Variants in AGMO observed in about 807,000 individuals in gnomAD.
AGMO encodes the protein alkylglycerol monooxygenase, also known as glyceryl-ether monooxygenase.
Under a neutral mutation model 60.2 loss-of-function variants are expected in AGMO, and 75 were observed. The ratio of observed to expected loss-of-function variants is 1.25; its 90% CI spans 1.03 to 1.51. AGMO has a LOEUF of 1.51. Among genes scored for constraint, AGMO ranks in the 40% most tolerant of loss-of-function variants. AGMO has a pLI of 0.00. For missense variants in AGMO, 763 were observed against 525.5 expected, an observed-to-expected ratio of 1.45 and a Z score of -4.42; for synonymous variants, 261 against 177.1, an observed-to-expected ratio of 1.47 and a Z score of -3.76.
At chr7:15,412,695 A>T (rs1227211805) in intron 5 of AGMO, among the ~76,000 whole-genome samples, 1 of 150,942 alleles carries the variant, frequency 6.6e-6, no homozygotes, top group Non-Finnish European at 1.5e-5. Context: ...AAAAAAAAAA[A>T]AAAAAAAAAA....
chr7:15,143,511 G>C, the AGMO span, among the ~76,000 whole-genome samples: 1 of 152,148 alleles, frequency 6.6e-6, no homozygotes, highest in Non-Finnish European at 1.5e-5. Context: ...TGTAAACTCA[G>C]AGGTACTTTA....
At chr7:15,546,668 C>T (rs1784790312) in intron 2 of AGMO, among the ~76,000 whole-genome samples, 1 of 152,184 alleles carries the variant, frequency 6.6e-6, no homozygotes, top group African/African-American at 2.4e-5. Context: ...GCAGGACAAG[C>T]CATGAGGCCA....
At chr7:15,141,750 C>A in the AGMO span, among the ~76,000 whole-genome samples, 1 of 151,938 alleles carries the variant, frequency 6.6e-6, no homozygotes, top group Non-Finnish European at 1.5e-5. Context: ...GTAAAACTGG[C>A]GAATCTATTA....
At chr7:15,379,903 C>T (rs371984843) in intron 10 of AGMO, among the ~76,000 whole-genome samples, 54 of 152,220 alleles carry the variant, frequency 3.5e-4, no homozygotes, top group African/African-American at 1.1e-3. Context: ...GAACTAAAGA[C>T]AGAAAGCATA....
At chr7:15,247,453 C>CAGAG (rs1456242367) in intron 12 of AGMO, among the ~76,000 whole-genome samples, 250 of 117,536 alleles carry the variant, frequency 2.1e-3, no homozygotes, top group Middle Eastern at 9.3e-3. Flanking sequence ...CACACACACA[C>CAGAG]ACACACAGAG....
the AGMO span, among the ~76,000 whole-genome samples, chr7:15,155,285 T>C: frequency 3.9e-5 from 6 of 152,070 alleles, no homozygotes; most frequent in Admixed American, 2.0e-4. Flanking sequence ...CCTGGAGGTT[T>C]TGCTGCATTA....
intron 3 of AGMO, among the ~76,000 whole-genome samples, chr7:15,475,905 T>C (rs558635281): frequency 6.6e-6 from 1 of 152,088 alleles, no homozygotes; most frequent in African/African-American, 2.4e-5. Flanking sequence ...TAAACATATT[T>C]ACTCATTTCT....
At chr7:15,530,639 T>G (rs1784285909) in intron 3 of AGMO, among the ~76,000 whole-genome samples, 1 of 138,578 alleles carries the variant, frequency 7.2e-6, no homozygotes, top group Admixed American at 7.8e-5. Flanking sequence ...TATACGTATT[T>G]CTATATATAT....
At chr7:15,415,335 G>A (rs1762048388) in intron 5 of AGMO, among the ~76,000 whole-genome samples, 1 of 151,932 alleles carries the variant, frequency 6.6e-6, no homozygotes, top group Non-Finnish European at 1.5e-5. Flanking sequence ...ACAAGGTCAA[G>A]AGACCGAGAC....
chr7:15,284,251 T>C (rs1189154246), intron 12 of AGMO, among the ~76,000 whole-genome samples: 1 of 151,788 alleles, frequency 6.6e-6, no homozygotes, highest in Admixed American at 6.6e-5. Flanking sequence ...CAAAATAAAA[T>C]TGATACAGAA....
intron 10 of AGMO, among the ~76,000 whole-genome samples, chr7:15,379,487 A>G (rs1783591200): frequency 6.6e-6 from 1 of 152,150 alleles, no homozygotes; most frequent in South Asian, 2.1e-4. Flanking sequence ...GAACACTTAC[A>G]TGCACATACA....
At chr7:15,128,862 G>A in the AGMO span, among the ~76,000 whole-genome samples, 1 of 152,116 alleles carries the variant, frequency 6.6e-6, no homozygotes, top group South Asian at 2.1e-4. Context: ...CTGTAGCTAG[G>A]GAGTCAGCCA....
chr7:15,126,741 T>A, the AGMO span, among the ~76,000 whole-genome samples: 15 of 152,258 alleles, frequency 9.9e-5, no homozygotes, highest in African/African-American at 3.4e-4. Context: ...GAAATAACCC[T>A]GCAAAGCTGT....
chr7:15,274,158 T>A (rs1783707296), intron 12 of AGMO, among the ~76,000 whole-genome samples: 1 of 152,180 alleles, frequency 6.6e-6, no homozygotes, highest in African/African-American at 2.4e-5. Context: ...TCCAACACTA[T>A]GTTGAAAAGG....
chr7:15,518,252 A>T (rs1583637433), intron 3 of AGMO, among the ~76,000 whole-genome samples: 1 of 152,220 alleles, frequency 6.6e-6, no homozygotes, highest in African/African-American at 2.4e-5. Context: ...GCTTCAACAG[A>T]CTTAAACATT....
intron 5 of AGMO, among the ~76,000 whole-genome samples, chr7:15,409,511 G>C (rs1784786139): frequency 6.6e-6 from 1 of 151,846 alleles, no homozygotes; most frequent in Non-Finnish European, 1.5e-5. Flanking sequence ...CACAGAGTTT[G>C]ATGAATATAA....
the AGMO span, among the ~76,000 whole-genome samples, chr7:15,144,618 A>G: frequency 6.6e-6 from 1 of 152,188 alleles, no homozygotes; most frequent in South Asian, 2.1e-4. Context: ...TCCAAGGTAC[A>G]TTATATTTAC....
intron 12 of AGMO, among the ~76,000 whole-genome samples, chr7:15,203,724 C>T (rs142842881): frequency 1.3e-5 from 2 of 152,032 alleles, no homozygotes; most frequent in African/African-American, 4.8e-5. Flanking sequence ...GGCAGTGAGA[C>T]AGTAGGAACT....
At chr7:15,472,804 T>A (rs558023187) in intron 3 of AGMO, among the ~76,000 whole-genome samples, 65 of 152,044 alleles carry the variant, frequency 4.3e-4, no homozygotes, top group African/African-American at 1.4e-3. Flanking sequence ...TCTATCGTTT[T>A]ATGTGAATTT....
Sources: gnomAD v4.1 joint callset for allele counts (sites outside exome capture counted in the v4.1 genomes callset) on GRCh38, gnomAD v4.1.1 for gene constraint, MANE v1.5 for transcripts, NCBI Gene and HGNC (gene_info 2026-07-23, HGNC 2026-07-21) for gene names.